MAP3K4: variants seen among roughly 807,000 people sequenced by gnomAD.
The protein encoded by MAP3K4 is mitogen-activated protein kinase kinase kinase 4, also known as MAP three kinase 1.
A neutral mutation model predicts 185.6 loss-of-function variants in MAP3K4; 67 were observed. That is an observed-to-expected ratio of 0.36 (90% CI 0.30 to 0.44). The LOEUF is 0.44. Ranked by LOEUF, MAP3K4 falls within the 20% of genes least tolerant of loss-of-function variation. MAP3K4 has a pLI of 1.00. For synonymous variants in MAP3K4, 702 were observed against 710.4 expected, an observed-to-expected ratio of 0.99 and a Z score of 0.19; for missense variants, 1,551 against 1,995.1, an observed-to-expected ratio of 0.78 and a Z score of 4.24.
rs773556218 is a variant in MAP3K4 at position 161,112,695 on chromosome 6, G to A, written c.4547G>A (p.Arg1516His). ...TACATGGCACCTGAAGTCATCACTC[G>A]TGCCAAAGGAGAGGGCCATGGGCGT... ...AAYMAPEVIT[R>H]AKGEGHGRAA... The change falls in exon 25 of 27, where the codon CGT becomes CAT. Residue 1516 changes from arginine (R) to histidine (H), a missense_variant. Arg to His is a conservative substitution (Grantham distance 29). Coordinates refer to ENST00000392142, the MANE Select transcript of MAP3K4 (RefSeq NM_005922.4). The surrounding 1 kb of genome is among the most constrained non-coding windows in gnomAD (Gnocchi z 5.1). 2.5e-6 allele frequency: 4 copies of A among 1,600,606 alleles called. No homozygotes were observed. The South Asian group carries it at 3.4e-5, about 14-fold the overall frequency.
chr6:161,028,097 A>G (rs1302071183), intron 1 of MAP3K4, among the ~76,000 whole-genome samples: 1 of 152,252 alleles, frequency 6.6e-6, no homozygotes, highest in Non-Finnish European at 1.5e-5. Context: ...GGGTTAAAGC[A>G]GTCACAAAGT....
At chr6:161,055,991 A>G (rs1388701058) in intron 3 of MAP3K4, among the ~76,000 whole-genome samples, 2 of 152,152 alleles carry the variant, frequency 1.3e-5, no homozygotes, top group Non-Finnish European at 2.9e-5. Context: ...TTATTTGGCC[A>G]TTTATATCAG....
At position 161,035,727 on chromosome 6, in the gene MAP3K4, T is replaced by C. The variant is rs139863773; in HGVS notation, c.343+1278T>C. Reference sequence around the variant, plus strand: ...CTCAAATGACTATAGAAGTTTCTTATCTATGGTAGGAATCAGTGAAGTAGC... The same window carrying C: ...CTCAAATGACTATAGAAGTTTCTTACCTATGGTAGGAATCAGTGAAGTAGC... On this transcript the variant is annotated intron_variant, in intron 2 of 26. Coordinates refer to ENST00000392142, the MANE Select transcript of MAP3K4 (RefSeq NM_005922.4). 4.3e-4 allele frequency among the ~76,000 whole-genome samples: 65 copies of C among 152,350 alleles called. 2 individuals are homozygous for C. The East Asian group carries it at 0.012, about 28-fold the overall frequency.
intron 1 of MAP3K4, among the ~76,000 whole-genome samples, chr6:160,993,466 G>T (rs1425586572): frequency 1.3e-5 from 2 of 152,140 alleles, no homozygotes; most frequent in African/African-American, 4.8e-5. Context: ...GGTAGGTCCT[G>T]TTATACTCTC....
chr6:161,060,618 C>CTT (rs35196179), intron 3 of MAP3K4, among the ~76,000 whole-genome samples: 30 of 126,380 alleles, frequency 2.4e-4, no homozygotes, highest in East Asian at 6.7e-4. Context: ...TTTTCTTTTT[C>CTT]TTTTTTTTTT....
At chr6:161,104,298 C>T (rs1380470544) in intron 19 of MAP3K4, among the ~76,000 whole-genome samples, 2 of 151,632 alleles carry the variant, frequency 1.3e-5, no homozygotes, top group Non-Finnish European at 2.9e-5. Context: ...CCTGTAATCC[C>T]GGCTACTCAG....
chr6:161,028,597 C>T (rs1388850104), intron 1 of MAP3K4, among the ~76,000 whole-genome samples: 1 of 152,126 alleles, frequency 6.6e-6, no homozygotes. Flanking sequence ...GTAAGGATGA[C>T]AGGCTCCTGC....
At chr6:161,002,589 CTTTTT>C (rs34733206) in intron 1 of MAP3K4, among the ~76,000 whole-genome samples, 2 of 106,476 alleles carry the variant, frequency 1.9e-5, no homozygotes, top group African/African-American at 7.3e-5. Flanking sequence ...ATAGTTTTGG[CTTTTT>C]TTTTTTTTTT....
In MAP3K4 at chr6:161,107,301, T is replaced by C. The variant is rs1342672389; in HGVS notation, c.4048+596T>C. The stretch of plus-strand genomic sequence containing the variant: ...AAGGGGGCGAACACAGTTGTATGAA[T>C]AATATGGGACTTTGTCAGCCTGAGG... On this transcript the variant is annotated intron_variant, in intron 20 of 26. Coordinates refer to ENST00000392142, the MANE Select transcript of MAP3K4 (RefSeq NM_005922.4). This position sits in a 1 kb window ranked among gnomAD's most constrained non-coding sequence, Gnocchi z 6.2. Among the ~76,000 whole-genome samples, 1 of 152,174 alleles carries C rather than the reference T, an allele frequency of 6.6e-6. No homozygotes were observed. The highest frequency in any genetic ancestry group is 1.5e-5 in the Non-Finnish European group (1 of 68,028).
At position 161,101,882 on chromosome 6, in the gene MAP3K4, A is replaced by G; in HGVS notation, c.3675-10A>G. 6.2e-7 allele frequency: 1 copy of G among 1,606,910 alleles called. No homozygotes were observed. Among genetic ancestry groups the G allele is most frequent in the Non-Finnish European group, 8.5e-7 (1 of 1,174,014 alleles). The stretch of plus-strand genomic sequence containing the variant: ...AATTGATAGCTCAATTATTAAAAAT[A>G]TTAAAACAGGGGTTCCAGCGTTCCT... On this transcript the variant is annotated splice_polypyrimidine_tract_variant and intron_variant, in intron 17 of 26. Coordinates refer to ENST00000392142, the MANE Select transcript of MAP3K4 (RefSeq NM_005922.4). The surrounding 1 kb of genome is among the most constrained non-coding windows in gnomAD (Gnocchi z 5.1).
rs751412192 is a variant in MAP3K4, at chr6:161,070,686, T to C, written c.1786T>C (p.Cys596Arg). 2.5e-6 allele frequency: 4 copies of C among 1,613,974 alleles called. No homozygotes were observed. The East Asian group carries it at 8.9e-5, about 36-fold the overall frequency. Residue 596 changes from cysteine (C) to arginine (R), a missense_variant, in exon 4 of 27, where the codon TGC (cysteine) becomes CGC (arginine). By Grantham distance (180) the Cys-to-Arg change is radical. Around this residue, in one of 16 missense-constraint regions of MAP3K4, gnomAD observed 86 missense variants for 81.6 expected, o/e 1.05. Coordinates refer to ENST00000392142, the MANE Select transcript of MAP3K4 (RefSeq NM_005922.4). This position sits in a 1 kb window ranked among gnomAD's most constrained non-coding sequence, Gnocchi z 4.5. Reference sequence around the variant, plus strand: ...GACACCACCTTCATCTGAGGAGAAATGCAGTGCTGTGTCGTGGGAGGAGCT... The same window carrying C: ...GACACCACCTTCATCTGAGGAGAAACGCAGTGCTGTGTCGTGGGAGGAGCT... ...SRTPPSSEEK[C>R]SAVSWEELKA...
chr6:161,043,619 C>T lies in MAP3K4; in HGVS notation c.344-4997C>T, dbSNP rs1030720571. 4.6e-5 allele frequency among the ~76,000 whole-genome samples: 7 copies of T among 152,192 alleles called. No individual in the cohort carries two copies. The highest frequency in any genetic ancestry group is 1.0e-4 in the Non-Finnish European group (7 of 68,050). ...AAATTATGACAATGTCTGTGAAGCC[C>T]TTACCTGGAAAATGGAAGCTGGATA... On this transcript the variant is annotated intron_variant, in intron 2 of 26. Transcript: ENST00000392142. The surrounding 1 kb of genome is among the most constrained non-coding windows in gnomAD (Gnocchi z 4.3).
intron 1 of MAP3K4, among the ~76,000 whole-genome samples, chr6:161,020,083 C>T (rs954677261): frequency 5.9e-5 from 9 of 152,182 alleles, no homozygotes; most frequent in Non-Finnish European, 1.0e-4. Context: ...GTAGTTTGAG[C>T]ATTGGCTTTG....
Position 161,070,930 on chromosome 6 carries a change from C to A in MAP3K4, c.1950+80C>A. 8.0e-7 allele frequency: 1 copy of A among 1,255,026 alleles called. No individual in the cohort carries two copies. The highest frequency in any genetic ancestry group is 1.7e-5 in the South Asian group (1 of 59,292). 77.7% of individuals were successfully genotyped at this position (1,255,026 alleles called of 1,614,324 possible). ...CTTATCATTTTTATTTTGAGAGTTC[C>A]TTTTTTTTTCTTAATTGTCGCAAAT... On this transcript the variant is annotated intron_variant, in intron 4 of 26. Transcript: ENST00000392142. This position sits in a 1 kb window ranked among gnomAD's most constrained non-coding sequence, Gnocchi z 4.5.
In MAP3K4 at chr6:161,043,898, C is replaced by A. The variant is rs1306936797; in HGVS notation, c.344-4718C>A. Among the ~76,000 whole-genome samples, 1 of 151,992 alleles carries A rather than the reference C, an allele frequency of 6.6e-6. No individual in the cohort carries two copies. The highest frequency in any genetic ancestry group is 6.6e-5 in the Admixed American group (1 of 15,264). ...ATAAGGCTGGTTTCTAAAATTTGGA[C>A]AATATGTATATGGGAGAACATAAAA... is the stretch of plus-strand genomic sequence containing the variant. On this transcript the variant is annotated intron_variant, in intron 2 of 26. Coordinates refer to ENST00000392142, the MANE Select transcript of MAP3K4 (RefSeq NM_005922.4). This position sits in a 1 kb window ranked among gnomAD's most constrained non-coding sequence, Gnocchi z 4.3.
chr6:161,101,968 TC>T lies in MAP3K4; in HGVS notation c.3752del (p.Ser1251Ter). On this transcript the variant is annotated frameshift_variant, in exon 18 of 27. Transcript: ENST00000392142. LOFTEE classifies it high-confidence loss of function. The surrounding 1 kb of genome is among the most constrained non-coding windows in gnomAD (Gnocchi z 5.1). ...ELQFRSLSRH[S>X]SPTEERDEPA... ...GCAGTTTAGGTCCCTGAGTCGTCAC[TC>T]AAGCCCCACGGAGGAGCGAGATGGT... 1 of 1,614,164 alleles carries T rather than the reference TC, an allele frequency of 6.2e-7. No homozygotes were observed. Among genetic ancestry groups the T allele is most frequent in the Admixed American group, 1.7e-5 (1 of 60,024 alleles).
Position 160,996,116 on chromosome 6 carries a change from C to T in MAP3K4, c.152+4033C>T, listed in dbSNP as rs1033431744. ...TTGAGCCTGTGTGTTTCAGTCTTGA[C>T]CTTGTATGTCAACTGTTCTCCCTGG... is the stretch of plus-strand genomic sequence containing the variant. On this transcript the variant is annotated intron_variant, in intron 1 of 26. Coordinates refer to ENST00000392142, the MANE Select transcript of MAP3K4 (RefSeq NM_005922.4). The surrounding 1 kb of genome is among the most constrained non-coding windows in gnomAD (Gnocchi z 4.5). 2.6e-4 allele frequency among the ~76,000 whole-genome samples: 38 copies of T among 148,612 alleles called. No individual in the cohort carries two copies. Among genetic ancestry groups the T allele is most frequent in the African/African-American group, 8.9e-4 (35 of 39,282 alleles).
intron 2 of MAP3K4, among the ~76,000 whole-genome samples, chr6:161,039,269 C>T (rs536587701): frequency 2.0e-4 from 23 of 112,340 alleles, no homozygotes; most frequent in East Asian, 1.2e-3. Flanking sequence ...GCCCCGAACC[C>T]GCAAAAATGC....
In MAP3K4 at chr6:161,074,001, C is replaced by T. The variant is rs1265867711; in HGVS notation, c.2097+389C>T. Among the ~76,000 whole-genome samples the T allele has an allele frequency of 6.6e-6, 1 of 152,188 alleles. No individual in the cohort carries two copies. Among genetic ancestry groups the T allele is most frequent in the African/African-American group, 2.4e-5 (1 of 41,446 alleles). On this transcript the variant is annotated intron_variant, in intron 5 of 26. Coordinates refer to ENST00000392142, the MANE Select transcript of MAP3K4 (RefSeq NM_005922.4). This position sits in a 1 kb window ranked among gnomAD's most constrained non-coding sequence, Gnocchi z 5.0. ...AAAATATGGTCCTATGTTAGTGAAC[C>T]GTCTGTCATCAGCCATTTTTATAAT...
Sources: gnomAD v4.1 joint callset for allele counts (sites outside exome capture counted in the v4.1 genomes callset) on GRCh38, gnomAD v4.1.1 for gene constraint, gnomAD v4.1.1 regional missense constraint, Gnocchi (gnomAD v3.1) non-coding constraint, MANE v1.5 for transcripts, NCBI Gene and HGNC (gene_info 2026-07-23, HGNC 2026-07-21) for gene names.